SPMIP3: variants seen among roughly 807,000 people sequenced by gnomAD.
The protein encoded by SPMIP3 is sperm microtubule inner protein 3.
the SPMIP3 span, among the ~76,000 whole-genome samples, chr1:244,379,792 C>G: frequency 6.6e-6 from 1 of 152,072 alleles, no homozygotes; most frequent in South Asian, 2.1e-4. Flanking sequence ...CCAGCCTGCC[C>G]AACATGGAGA....
chr1:244,368,527 C>G, the SPMIP3 span, among the ~76,000 whole-genome samples: 10 of 152,348 alleles, frequency 6.6e-5, no homozygotes, highest in Admixed American at 6.5e-4. Context: ...TCCAGGTTAG[C>G]CCTCCAGGCA....
chr1:244,373,202 G>A, the SPMIP3 span, among the ~76,000 whole-genome samples: 2 of 151,316 alleles, frequency 1.3e-5, no homozygotes, highest in African/African-American at 4.9e-5. Context: ...GCAACATAAT[G>A]AGACCCTGTC....
the SPMIP3 span, chr1:244,364,588 C>G: frequency 1.0e-6 from 1 of 989,256 alleles, no homozygotes; most frequent in Non-Finnish European, 1.6e-6. Flanking sequence ...AATATTTTTA[C>G]TGATTTCTTT....
chr1:244,378,357 T>C, the SPMIP3 span: 8 of 1,104,048 alleles, frequency 7.2e-6, no homozygotes, highest in East Asian at 9.8e-5. Flanking sequence ...GTCTTGTCAA[T>C]ACTCTCTGTT....
At chr1:244,384,541 G>A in the SPMIP3 span, among the ~76,000 whole-genome samples, 1 of 152,062 alleles carries the variant, frequency 6.6e-6, no homozygotes, top group African/African-American at 2.4e-5. Flanking sequence ...ATTGCTTGGA[G>A]TTTTAAAAAA....
chr1:244,357,648 G>A, the SPMIP3 span, among the ~76,000 whole-genome samples: 3 of 148,108 alleles, frequency 2.0e-5, no homozygotes, highest in South Asian at 6.5e-4. Context: ...GGTGGAGGTT[G>A]CAGTGAGCCA....
At chr1:244,373,235 C>G in the SPMIP3 span, among the ~76,000 whole-genome samples, 2 of 150,172 alleles carry the variant, frequency 1.3e-5, no homozygotes, top group East Asian at 3.9e-4. Context: ...TGGTTTTCCA[C>G]ATTGCCATCA....
At chr1:244,380,016 T>C in the SPMIP3 span, among the ~76,000 whole-genome samples, 1 of 151,568 alleles carries the variant, frequency 6.6e-6, no homozygotes, top group Non-Finnish European at 1.5e-5. Flanking sequence ...TATAGGACCT[T>C]GGGGGAGGAC....
chr1:244,368,511 C>A, the SPMIP3 span, among the ~76,000 whole-genome samples: 1 of 152,348 alleles, frequency 6.6e-6, no homozygotes, highest in African/African-American at 2.4e-5. Context: ...TGCATTTTGC[C>A]ACATCTCCAG....
the SPMIP3 span, chr1:244,378,492 C>T: frequency 6.2e-7 from 1 of 1,613,674 alleles, no homozygotes; most frequent in Non-Finnish European, 8.5e-7. Context: ...GACAATTCCA[C>T]CCAAGACAAA....
chr1:244,357,222 T>C, the SPMIP3 span, among the ~76,000 whole-genome samples: 1 of 79,540 alleles, frequency 1.3e-5, no homozygotes, highest in African/African-American at 4.0e-5. Context: ...GCACCCACCA[T>C]GGAGATTGAA....
At chr1:244,372,355 A>AGGCATG in the SPMIP3 span, among the ~76,000 whole-genome samples, 1 of 152,310 alleles carries the variant, frequency 6.6e-6, no homozygotes, top group African/African-American at 2.4e-5. Flanking sequence ...GTCGAACTGA[A>AGGCATG]GGCATAGTTT....
the SPMIP3 span, among the ~76,000 whole-genome samples, chr1:244,367,822 T>C: frequency 6.6e-6 from 1 of 151,984 alleles, no homozygotes; most frequent in Non-Finnish European, 1.5e-5. Flanking sequence ...ACAAAACAGA[T>C]CTCAAACACA....
At chr1:244,359,309 A>T in the SPMIP3 span, among the ~76,000 whole-genome samples, 2 of 152,338 alleles carry the variant, frequency 1.3e-5, no homozygotes, top group East Asian at 3.9e-4. Flanking sequence ...ATCGCGTGGC[A>T]ACCAGAGGCA....
chr1:244,388,911 G>A, the SPMIP3 span: 9 of 1,493,570 alleles, frequency 6.0e-6, no homozygotes, highest in Non-Finnish European at 7.5e-6. Context: ...TTAGGAGTGA[G>A]TAGTCTTTAA....
the SPMIP3 span, among the ~76,000 whole-genome samples, chr1:244,381,566 G>A: frequency 6.6e-6 from 1 of 152,228 alleles, no homozygotes; most frequent in Non-Finnish European, 1.5e-5. Flanking sequence ...TTTCAGTCCT[G>A]CAGGGAACTC....
chr1:244,379,077 G>A, the SPMIP3 span, among the ~76,000 whole-genome samples: 1 of 151,784 alleles, frequency 6.6e-6, no homozygotes, highest in Non-Finnish European at 1.5e-5. Flanking sequence ...TACAGGCGCC[G>A]CCACCACACC....
the SPMIP3 span, among the ~76,000 whole-genome samples, chr1:244,374,473 G>GA: frequency 3.3e-5 from 5 of 151,148 alleles, no homozygotes; most frequent in Non-Finnish European, 5.9e-5. Flanking sequence ...ATCAAAAGTA[G>GA]AAAAAACCAG....
chr1:244,389,247 A>T, the SPMIP3 span: 1 of 504,274 alleles, frequency 2.0e-6, no homozygotes, highest in African/African-American at 1.9e-5. Context: ...GGGAATCAAG[A>T]TCTATCCTTA....
Sources: allele counts gnomAD v4.1 joint callset (sites outside exome capture counted in the v4.1 genomes callset), GRCh38; gene constraint gnomAD v4.1.1; transcripts MANE v1.5; gene names NCBI Gene and HGNC (gene_info 2026-07-23, HGNC 2026-07-21).